The following SIPA1L3 variants were observed in gnomAD, a reference collection of about 807,000 sequenced individuals.
SIPA1L3 encodes signal-induced proliferation-associated 1-like protein 3.
Under a neutral mutation model 150.1 loss-of-function variants are expected in SIPA1L3, and 59 were observed. The observed-to-expected ratio is 0.39, with a 90% CI of 0.32 to 0.49. The LOEUF is 0.49. Ranked by LOEUF, SIPA1L3 falls within the 20% of genes least tolerant of loss-of-function variation. The pLI, the probability that SIPA1L3 is intolerant of heterozygous loss-of-function variation, is 0.86. For synonymous variants in SIPA1L3, 1,070 were observed against 1,077.6 expected (o/e 0.99, Z 0.14); for missense variants, 2,211 against 2,489.5 (o/e 0.89, Z 2.38).
intron 15 of SIPA1L3, among the ~76,000 whole-genome samples, chr19:38,174,024 C>G (rs756465966): frequency 4.6e-5 from 7 of 152,006 alleles, no homozygotes; most frequent in Non-Finnish European, 8.8e-5. Context: ...GAGGTGGAAC[C>G]CTGAGAGAGT....
chr19:37,927,145 CTT>C (rs34057465), intron 1 of SIPA1L3, among the ~76,000 whole-genome samples: 8 of 128,440 alleles, frequency 6.2e-5, no homozygotes, highest in Admixed American at 1.8e-4. Context: ...TTTTCTTTTC[CTT>C]TTTTTTTTTT....
chr19:38,094,913 A>C (rs1295962634), intron 4 of SIPA1L3, among the ~76,000 whole-genome samples: 2 of 152,062 alleles, frequency 1.3e-5, no homozygotes, highest in African/African-American at 4.8e-5. Flanking sequence ...CTAAAAATAC[A>C]AAAATTAGCT....
At position 38,097,812 on chromosome 19, in the gene SIPA1L3, C is replaced by T. The variant is rs138342177; in HGVS notation, c.1666-2150C>T. On this transcript the variant is annotated intron_variant, in intron 4 of 21. Transcript: ENST00000222345. ...ACCTCAGGTGATCTGCCCACCTCGGCCTCTCAAAGTGCTGGGATTACAGGT... is the reference window on the plus strand; with the variant it reads ...ACCTCAGGTGATCTGCCCACCTCGGTCTCTCAAAGTGCTGGGATTACAGGT... Among the ~76,000 whole-genome samples the T allele has an allele frequency of 4.2e-3, 647 of 152,350 alleles. 4 individuals are homozygous for T. The highest frequency in any genetic ancestry group is 0.02 in the Middle Eastern group (6 of 294).
At position 38,172,662 on chromosome 19, in the gene SIPA1L3, T is replaced by TG. The variant is rs1286221763; in HGVS notation, c.4208+7762dup. On this transcript the variant is annotated intron_variant, in intron 15 of 21. Coordinates refer to ENST00000222345, the MANE Select transcript of SIPA1L3 (RefSeq NM_015073.3). Reference sequence around the variant, plus strand: ...GCCAGAGGGGCTGAAGCAGGTGGGATGGGGGGAGAGTGGCAGGAGGTCAGC... The same window carrying TG: ...GCCAGAGGGGCTGAAGCAGGTGGGATGGGGGGGAGAGTGGCAGGAGGTCAGC... Among the ~76,000 whole-genome samples, 9 of 151,890 alleles carry TG rather than the reference T, an allele frequency of 5.9e-5. No individual in the cohort carries two copies. The East Asian group carries it at 1.5e-3, about 26-fold the overall frequency.
At chr19:38,137,183 T>TTTG (rs913092046) in intron 10 of SIPA1L3, among the ~76,000 whole-genome samples, 3 of 151,692 alleles carry the variant, frequency 2.0e-5, no homozygotes, top group South Asian at 2.1e-4. Flanking sequence ...TGCCTTCATT[T>TTTG]TTGTTGTTGT....
intron 9 of SIPA1L3, among the ~76,000 whole-genome samples, chr19:38,125,190 C>A (rs1971145222): frequency 1.3e-5 from 2 of 152,184 alleles, no homozygotes; most frequent in Admixed American, 1.3e-4. Context: ...CGCCCGCCAC[C>A]ATGCTCAGCT....
intron 2 of SIPA1L3, among the ~76,000 whole-genome samples, chr19:38,038,671 C>T (rs1438237781): frequency 6.6e-6 from 1 of 151,316 alleles, no homozygotes; most frequent in Non-Finnish European, 1.5e-5. Flanking sequence ...GACTATGGAG[C>T]ACTTTTCTTT....
intron 1 of SIPA1L3, among the ~76,000 whole-genome samples, chr19:38,002,467 G>A (rs946944384): frequency 6.6e-6 from 1 of 151,936 alleles, no homozygotes; most frequent in East Asian, 1.9e-4. Flanking sequence ...AGGTGCGGTG[G>A]CTCACACCTG....
In SIPA1L3 at chr19:37,918,915, T is replaced by TAAAC. The variant is rs67434473; in HGVS notation, c.-379+11562_-379+11565dup. ...ATAAATAAATAAATAAATAAATAAATAAACAAACTGCTGCTTTGGACATGA... is the reference window on the plus strand; with the variant it reads ...ATAAATAAATAAATAAATAAATAAATAAACAAACAAACTGCTGCTTTGGACATGA... On this transcript the variant is annotated intron_variant, in intron 1 of 21. Coordinates refer to ENST00000222345, the MANE Select transcript of SIPA1L3 (RefSeq NM_015073.3). Among the ~76,000 whole-genome samples, 306 of 136,584 alleles carry TAAAC rather than the reference T, an allele frequency of 2.2e-3. 2 individuals carry two copies. Among genetic ancestry groups the TAAAC allele is most frequent in the Middle Eastern group, 7.2e-3 (2 of 276 alleles). The allele number at this position is 136,584 out of a possible 152,430, so 89.6% of individuals were successfully genotyped here.
chr19:37,950,213 C>T (rs2046750967), intron 1 of SIPA1L3, among the ~76,000 whole-genome samples: 1 of 151,916 alleles, frequency 6.6e-6, no homozygotes, highest in South Asian at 2.1e-4. Context: ...AATGAGGATG[C>T]TAAAGCCTTT....
chr19:38,054,322 C>T (rs1274255817), intron 2 of SIPA1L3, among the ~76,000 whole-genome samples: 1 of 147,020 alleles, frequency 6.8e-6, no homozygotes, highest in Admixed American at 6.8e-5. Context: ...AAAGTGTCTT[C>T]GAGGACAGGA....
Position 37,995,459 on chromosome 19 carries a change from A to G in SIPA1L3, c.-378-33630A>G, listed in dbSNP as rs113942848. 9.5e-3 allele frequency among the ~76,000 whole-genome samples: 1,443 copies of G among 152,254 alleles called. 28 individuals carry two copies. Among genetic ancestry groups the G allele is most frequent in the African/African-American group, 0.033 (1,366 of 41,534 alleles). On this transcript the variant is annotated intron_variant, in intron 1 of 21. Coordinates refer to ENST00000222345, the MANE Select transcript of SIPA1L3 (RefSeq NM_015073.3). ...GCAGTTTTAACCCCTGTGCAGTGCTACCTTCCTGAGGGGGACACCCAGCCG... is the reference window on the plus strand; with the variant it reads ...GCAGTTTTAACCCCTGTGCAGTGCTGCCTTCCTGAGGGGGACACCCAGCCG...
chr19:37,926,612 G>T (rs568844720), intron 1 of SIPA1L3, among the ~76,000 whole-genome samples: 10 of 152,256 alleles, frequency 6.6e-5, no homozygotes, highest in Admixed American at 2.6e-4. Flanking sequence ...TGGGGAGGGG[G>T]CCTGAGGAGC....
chr19:38,108,858 G>T (rs181133245), intron 7 of SIPA1L3, among the ~76,000 whole-genome samples: 3 of 152,030 alleles, frequency 2.0e-5, no homozygotes, highest in Admixed American at 2.0e-4. Flanking sequence ...GCGTGGTGGC[G>T]CATGCCTGTA....
At chr19:38,002,939 T>C (rs1967843652) in intron 1 of SIPA1L3, among the ~76,000 whole-genome samples, 1 of 150,860 alleles carries the variant, frequency 6.6e-6, no homozygotes, top group Non-Finnish European at 1.5e-5. Context: ...AAGCCAGGAG[T>C]TCGAGACCAG....
At chr19:38,048,674 C>T (rs563335004) in intron 2 of SIPA1L3, among the ~76,000 whole-genome samples, 1 of 152,334 alleles carries the variant, frequency 6.6e-6, no homozygotes, top group East Asian at 1.9e-4. Context: ...GTTAGCAAAT[C>T]GTGTCAGGCC....
At chr19:38,150,529 CTTTTTT>C (rs201046693) in intron 12 of SIPA1L3, among the ~76,000 whole-genome samples, 18 of 119,830 alleles carry the variant, frequency 1.5e-4, no homozygotes, top group East Asian at 6.9e-4. Context: ...AATATCAACA[CTTTTTT>C]TTTTTTTTTT....
intron 12 of SIPA1L3, among the ~76,000 whole-genome samples, chr19:38,148,639 T>C (rs1971751737): frequency 6.6e-6 from 1 of 152,180 alleles, no homozygotes; most frequent in South Asian, 2.1e-4. Flanking sequence ...CAGAGCGGGC[T>C]GGAGCTCTCT....
chr19:38,192,056 G>A (rs566274309), intron 16 of SIPA1L3, 89 bp from the exon 17 acceptor site: 189 of 1,255,518 alleles, frequency 1.5e-4, no homozygotes, highest in African/African-American at 2.0e-4. Context: ...CATGCGTCCC[G>A]TGGTGGCCGG....
Sources: gnomAD v4.1 joint callset for allele counts (sites outside exome capture counted in the v4.1 genomes callset) on GRCh38, gnomAD v4.1.1 for gene constraint, MANE v1.5 for transcripts, NCBI Gene and HGNC (gene_info 2026-07-23, HGNC 2026-07-21) for gene names.